The following RUFY1 variants were observed in gnomAD, a reference collection of about 807,000 sequenced individuals.
RUFY1 encodes RUN and FYVE domain containing 1.
Under a neutral mutation model 94.6 loss-of-function variants are expected in RUFY1, and 54 were observed. That is an observed-to-expected ratio of 0.57 (90% CI 0.46 to 0.72). The LOEUF (loss-of-function observed/expected upper bound fraction) is 0.72, where lower values mean the gene tolerates loss of function less well. Ranked by LOEUF, RUFY1 falls within the 30% of genes least tolerant of loss-of-function variation. The pLI is 0.00. For missense variants in RUFY1, 883 were observed against 883.9 expected (o/e 1.00, Z 0.01); for synonymous variants, 396 against 347.3 (o/e 1.14, Z -1.56).
At chr5:179,578,269 A>G (rs1389967298) in intron 6 of RUFY1, among the ~76,000 whole-genome samples, 2 of 152,142 alleles carry the variant, frequency 1.3e-5, no homozygotes, top group Non-Finnish European at 1.5e-5. Context: ...GCTGGAGTGC[A>G]GTGGTGCAAT....
rs1767493152 is a variant in RUFY1 at position 179,609,436 on chromosome 5, C to G, written c.2044C>G (p.Leu682Val). ...CNTCSSNELA[L>V]PSYPKPVRVC... ...CACCTGCTCCAGCAACGAGCTGGCC[C>G]TGCCCTCCTACCCCAAGCCGGTGCG... Residue 682 changes from leucine to valine, a missense_variant, in exon 18 of 18, where the codon CTG (leucine) becomes GTG (valine). Coordinates refer to ENST00000319449, the MANE Select transcript of RUFY1 (RefSeq NM_025158.5). The G allele has an allele frequency of 6.2e-7, 1 of 1,612,930 alleles. No homozygotes were observed. The highest frequency in any genetic ancestry group is 1.3e-5 in the African/African-American group (1 of 74,920).
intron 5 of RUFY1, among the ~76,000 whole-genome samples, chr5:179,575,010 G>A (rs186363134): frequency 5.9e-5 from 9 of 151,736 alleles, no homozygotes; most frequent in African/African-American, 1.9e-4. Context: ...GAAAAGAGAA[G>A]TTGAACCTCC....
intron 16 of RUFY1, chr5:179,607,330 C>T (rs970803747): frequency 2.4e-4 from 126 of 526,958 alleles, no homozygotes; most frequent in East Asian, 1.8e-3. Context: ...TGCTGGAGAC[C>T]GCCTGGAGGC....
chr5:179,592,756 G>A (rs1321044654), intron 10 of RUFY1, among the ~76,000 whole-genome samples: 1 of 152,162 alleles, frequency 6.6e-6, no homozygotes, highest in African/African-American at 2.4e-5. Context: ...CCTGGGTCAG[G>A]ACAGAACCAT....
intron 1 of RUFY1, chr5:179,559,710 G>A: frequency 9.4e-7 from 1 of 1,065,270 alleles, no homozygotes; most frequent in South Asian, 3.4e-5. Flanking sequence ...AACCGGGGTT[G>A]CGGGAGAAGC....
At chr5:179,579,670 T>C (rs1418557727) in intron 6 of RUFY1, among the ~76,000 whole-genome samples, 2 of 108,694 alleles carry the variant, frequency 1.8e-5, no homozygotes, top group African/African-American at 3.6e-5. Flanking sequence ...TTTTTTTTTT[T>C]TTTTTTTTTG....
intron 12 of RUFY1, chr5:179,596,127 C>T (rs563725165): frequency 2.5e-5 from 6 of 239,322 alleles, no homozygotes; most frequent in East Asian, 1.4e-4. Context: ...CAAAGTGGTA[C>T]GTCTGTGCGG....
chr5:179,557,534 T>C (rs1762171366), intron 1 of RUFY1, among the ~76,000 whole-genome samples: 1 of 151,390 alleles, frequency 6.6e-6, no homozygotes, highest in African/African-American at 2.5e-5. Flanking sequence ...CATCTGAGTA[T>C]TGCTTATTTC....
At chr5:179,606,342 G>A in intron 16 of RUFY1, 1 of 193,240 alleles carries the variant, frequency 5.2e-6, no homozygotes, top group East Asian at 1.7e-4. Flanking sequence ...GCCAAGCCCT[G>A]AGTTGGGCCA....
intron 1 of RUFY1, among the ~76,000 whole-genome samples, chr5:179,556,870 T>C (rs1762140908): frequency 6.6e-6 from 1 of 152,208 alleles, no homozygotes; most frequent in South Asian, 2.1e-4. Flanking sequence ...TAGATGAATA[T>C]ATATGATTTA....
At chr5:179,553,198 C>T (rs927354626) in intron 1 of RUFY1, among the ~76,000 whole-genome samples, 8 of 152,228 alleles carry the variant, frequency 5.3e-5, no homozygotes, top group African/African-American at 1.9e-4. Flanking sequence ...GGATTGCACC[C>T]TCCGAATCTC....
Position 179,550,623 on chromosome 5 carries a change from G to T in RUFY1, c.54G>T (p.Pro18=). The change falls in exon 1 of 18, where the codon CCG becomes CCT. Residue 18 remains proline (P), a synonymous_variant. Coordinates refer to ENST00000319449, the MANE Select transcript of RUFY1 (RefSeq NM_025158.5). ...CAAGRGRELE[P]ELEPGPGPGS... ...CTGGGCGGGGGCGGGAGCTGGAGCC[G>T]GAGCTGGAGCCGGGGCCGGGGCCCG... 7.3e-7 allele frequency: 1 copy of T among 1,369,490 alleles called. No homozygotes were observed. Among genetic ancestry groups the T allele is most frequent in the Non-Finnish European group, 9.3e-7 (1 of 1,070,116 alleles). The allele number at this position is 1,369,490 out of a possible 1,614,324, so 84.8% of individuals were successfully genotyped here.
intron 3 of RUFY1, among the ~76,000 whole-genome samples, chr5:179,563,652 C>G (rs903952047): frequency 6.6e-6 from 1 of 152,168 alleles, no homozygotes; most frequent in Non-Finnish European, 1.5e-5. Context: ...TTTGCACCTG[C>G]CAAGCTTTCA....
chr5:179,582,699 C>T (rs976210825), intron 7 of RUFY1, among the ~76,000 whole-genome samples: 2 of 151,792 alleles, frequency 1.3e-5, no homozygotes, highest in African/African-American at 4.8e-5. Flanking sequence ...CAAAATTAGG[C>T]AGGCGTGGTG....
At chr5:179,569,049 G>A in intron 4 of RUFY1, 1 of 985,320 alleles carries the variant, frequency 1.0e-6, no homozygotes, top group African/African-American at 1.7e-5. Flanking sequence ...GAGAACTGGG[G>A]TCCAGGGTCT....
chr5:179,552,164 CAAAAA>C (rs563730431), intron 1 of RUFY1, among the ~76,000 whole-genome samples: 27 of 73,452 alleles, frequency 3.7e-4, no homozygotes, highest in African/African-American at 8.9e-4. Context: ...GACTCTGTCT[CAAAAA>C]AAAAAAAAAA....
chr5:179,574,935 T>G (rs1165721135), intron 5 of RUFY1, among the ~76,000 whole-genome samples: 1 of 152,076 alleles, frequency 6.6e-6, no homozygotes. Flanking sequence ...TATGATTTGG[T>G]TTTTTATTAT....
At chr5:179,605,219 C>T (rs1292216538) in intron 15 of RUFY1, among the ~76,000 whole-genome samples, 2 of 147,246 alleles carry the variant, frequency 1.4e-5, no homozygotes, top group Non-Finnish European at 3.0e-5. Context: ...GTCAAGGTTG[C>T]AGTGAGCCAT....
intron 5 of RUFY1, among the ~76,000 whole-genome samples, chr5:179,574,916 G>A (rs1763507139): frequency 6.6e-6 from 1 of 151,918 alleles, no homozygotes; most frequent in African/African-American, 2.4e-5. Flanking sequence ...TTTCCTGGCT[G>A]TATTTTTTTA....
Sources: gnomAD v4.1 joint callset for allele counts (sites outside exome capture counted in the v4.1 genomes callset) on GRCh38, gnomAD v4.1.1 for gene constraint, MANE v1.5 for transcripts, NCBI Gene and HGNC (gene_info 2026-07-23, HGNC 2026-07-21) for gene names.